ZNF652: variants seen among roughly 807,000 people sequenced by gnomAD.
ZNF652 encodes the protein zinc finger protein 652.
In ZNF652, 16 loss-of-function variants were observed where a neutral mutation model predicts 45.2. The ratio of observed to expected loss-of-function variants is 0.35; its 90% CI spans 0.24 to 0.54. The LOEUF (loss-of-function observed/expected upper bound fraction) is 0.54, where lower values mean the gene tolerates loss of function less well. ZNF652 is among the 20% of genes least tolerant of loss of function. ZNF652 has a pLI of 0.91. For missense variants in ZNF652, 614 were observed against 765.6 expected (o/e 0.80, Z 2.34); for synonymous variants, 250 against 260.6 (o/e 0.96, Z 0.39).
At chr17:49,359,685 T>A (rs1284841563) in intron 1 of ZNF652, among the ~76,000 whole-genome samples, 1 of 152,192 alleles carries the variant, frequency 6.6e-6, no homozygotes, top group African/African-American at 2.4e-5. Context: ...AAATAGCTGA[T>A]ATTTATCACC....
Position 49,311,977 on chromosome 17 carries a change from G to C in ZNF652, c.1114C>G (p.Leu372Val), listed in dbSNP as rs376201795. 2.5e-6 allele frequency: 4 copies of C among 1,613,830 alleles called. No homozygotes were observed. In the African/African-American group the frequency reaches 5.3e-5, roughly 22 times the overall value. The change falls in exon 4 of 6, where the codon CTC becomes GTC. Residue 372 changes from leucine (L) to valine (V), a missense_variant. This residue lies in a region of ZNF652 where 262 missense variants were observed against 306.3 expected (regional missense o/e 0.86). Transcript: ENST00000430262. ...GAATGCTGCAAGGAGTGCACCTTGA[G>C]TGACATACTGCGTTTGAATGATTTT... is the stretch of plus-strand genomic sequence containing the variant. ...CGKSFKRSMS[L>V]KVHSLQHSGE...
In ZNF652 at chr17:49,295,229, T is replaced by C. The variant is rs2069456612; in HGVS notation, c.*3184A>G. 6.6e-6 allele frequency: 1 copy of C among 151,788 alleles called. No individual in the cohort carries two copies. The highest frequency in any genetic ancestry group is 2.4e-5 in the African/African-American group (1 of 41,390). The allele number at this position is 151,788 out of a possible 1,614,324, so 9.4% of individuals were successfully genotyped here. A position where few individuals can be genotyped will look rare whatever the true frequency, so the allele number is the denominator to read the frequency against. ...CAATGTTGTGAATATTCTTAATGCATTTCATTATTTATATACAATATGATA... is the reference window on the plus strand; with the variant it reads ...CAATGTTGTGAATATTCTTAATGCACTTCATTATTTATATACAATATGATA... On this transcript the variant is annotated 3_prime_UTR_variant, in exon 6 of 6. Transcript: ENST00000430262.
intron 1 of ZNF652, among the ~76,000 whole-genome samples, chr17:49,347,496 T>C (rs896349987): frequency 6.6e-6 from 1 of 151,766 alleles, no homozygotes; most frequent in African/African-American, 2.4e-5. Context: ...GCCTGGGAGG[T>C]AGAGGCTGCA....
At position 49,296,420 on chromosome 17, in the gene ZNF652, A is replaced by AT. The variant is rs2069478268; in HGVS notation, c.*1992dup. 6.6e-6 allele frequency: 1 copy of AT among 152,614 alleles called. No individual in the cohort carries two copies. The highest frequency in any genetic ancestry group is 6.5e-5 in the Admixed American group (1 of 15,274). 9.5% of individuals were successfully genotyped at this position (152,614 alleles called of 1,614,324 possible). ...GACTTAATCTCAATTGAAAGAGTTCATTTTTTCTTACCACAGAGCTCATTA... is the reference window on the plus strand; with the variant it reads ...GACTTAATCTCAATTGAAAGAGTTCATTTTTTTCTTACCACAGAGCTCATTA... On this transcript the variant is annotated 3_prime_UTR_variant, in exon 6 of 6. Coordinates refer to ENST00000430262, the MANE Select transcript of ZNF652 (RefSeq NM_001145365.3).
chr17:49,312,548 T>C, intron 3 of ZNF652, 150 bp downstream of exon 3: 1 of 744,384 alleles, frequency 1.3e-6, no homozygotes, highest in Non-Finnish European at 2.1e-6. Context: ...CCATCCAATT[T>C]GGTGATACTT....
chr17:49,288,616 C>G (rs1293008854), downstream of ZNF652, among the ~76,000 whole-genome samples: 1 of 152,144 alleles, frequency 6.6e-6, no homozygotes, highest in Non-Finnish European at 1.5e-5. Flanking sequence ...AGGGTTTCTC[C>G]ACTAGAAAGC....
intron 1 of ZNF652, among the ~76,000 whole-genome samples, chr17:49,324,901 C>T (rs562771654): frequency 6.6e-5 from 10 of 151,396 alleles, no homozygotes; most frequent in African/African-American, 2.2e-4. Flanking sequence ...CCACCACGCC[C>T]GGCTAATTTT....
At chr17:49,334,990 G>A (rs1176481183) in intron 1 of ZNF652, among the ~76,000 whole-genome samples, 1 of 152,070 alleles carries the variant, frequency 6.6e-6, no homozygotes, top group African/African-American at 2.4e-5. Flanking sequence ...AGTGACTGCT[G>A]ATGGGCTCCA....
intron 1 of ZNF652, among the ~76,000 whole-genome samples, chr17:49,358,500 T>G (rs76242173): frequency 0.026 from 3,925 of 152,274 alleles, 159 homozygotes; most frequent in African/African-American, 0.086. Context: ...CTCAGCTGAC[T>G]TTTTTATAAC....
At chr17:49,350,561 G>A (rs889920877) in intron 1 of ZNF652, among the ~76,000 whole-genome samples, 1 of 149,950 alleles carries the variant, frequency 6.7e-6, no homozygotes, top group Admixed American at 6.7e-5. Context: ...AAAAAAAATT[G>A]TGAAAAGAAC....
chr17:49,332,971 G>A (rs944944840), intron 1 of ZNF652, among the ~76,000 whole-genome samples: 4 of 152,136 alleles, frequency 2.6e-5, no homozygotes, highest in East Asian at 1.9e-4. Flanking sequence ...CCAGAAGGTT[G>A]AGGCTACAGT....
chr17:49,312,057 G>T lies in ZNF652; in HGVS notation c.1049-15C>A. 6.4e-7 allele frequency: 1 copy of T among 1,572,886 alleles called. No individual in the cohort carries two copies. The highest frequency in any genetic ancestry group is 8.7e-7 in the Non-Finnish European group (1 of 1,149,770). ...TTTTGTGTGTGCTGCAACACAGAAT[G>T]TACTTAGTGTCAAAACAAAATCCAC... On this transcript the variant is annotated splice_polypyrimidine_tract_variant and intron_variant, in intron 3 of 5. Transcript: ENST00000430262.
chr17:49,356,778 T>C (rs2070341889), intron 1 of ZNF652, among the ~76,000 whole-genome samples: 1 of 152,172 alleles, frequency 6.6e-6, no homozygotes, highest in African/African-American at 2.4e-5. Context: ...TAAATCCTAC[T>C]GTATTACTGA....
At chr17:49,350,215 T>C (rs2070255501) in intron 1 of ZNF652, among the ~76,000 whole-genome samples, 1 of 152,096 alleles carries the variant, frequency 6.6e-6, no homozygotes, top group African/African-American at 2.4e-5. Context: ...GTAACTTTTC[T>C]GTAAATTTAA....
At chr17:49,308,514 T>C (rs984652012) in intron 5 of ZNF652, among the ~76,000 whole-genome samples, 10 of 151,966 alleles carry the variant, frequency 6.6e-5, no homozygotes, top group Admixed American at 2.0e-4. Flanking sequence ...AGATAAAAAT[T>C]TGGGGGACTG....
At chr17:49,301,053 C>A (rs1434260120) in intron 5 of ZNF652, among the ~76,000 whole-genome samples, 2 of 152,182 alleles carry the variant, frequency 1.3e-5, no homozygotes, top group Non-Finnish European at 2.9e-5. Flanking sequence ...ACTTTCTCAT[C>A]TACTTTGGGA....
chr17:49,357,260 C>T (rs1004135606), intron 1 of ZNF652, among the ~76,000 whole-genome samples: 12 of 151,206 alleles, frequency 7.9e-5, no homozygotes, highest in African/African-American at 2.2e-4. Context: ...GATCATGCCA[C>T]TGCACTCCAG....
rs952966805 is a variant in ZNF652 at position 49,307,013 on chromosome 17, G to A, written c.1309+4299C>T. On this transcript the variant is annotated intron_variant, in intron 5 of 5. Transcript: ENST00000430262. ...AGTGATCCACCCACCTTGGCCTCCC[G>A]AAGTGCTGAGATTACAGGTGTGAGC... Among the ~76,000 whole-genome samples the A allele has an allele frequency of 2.0e-5, 3 of 151,694 alleles. No individual in the cohort carries two copies. In the South Asian group the frequency reaches 6.3e-4, roughly 32 times the overall value.
chr17:49,357,298 CA>C (rs34846468), intron 1 of ZNF652, among the ~76,000 whole-genome samples: 77,730 of 140,032 alleles, frequency 0.56, 20,618 homozygotes, highest in African/African-American at 0.62. Flanking sequence ...GACTCTGTCT[CA>C]AAAAAAAAAA....
Sources: allele counts gnomAD v4.1 joint callset (sites outside exome capture counted in the v4.1 genomes callset), GRCh38; gene constraint gnomAD v4.1.1; regional missense constraint gnomAD v4.1.1; transcripts MANE v1.5; gene names NCBI Gene and HGNC (gene_info 2026-07-23, HGNC 2026-07-21).